MYH10: variants seen among roughly 807,000 people sequenced by gnomAD.
MYH10 encodes the protein myosin-10.
In MYH10, 55 loss-of-function variants were observed where a neutral mutation model predicts 257.8. That is an observed-to-expected ratio of 0.21 (90% CI 0.17 to 0.27). The LOEUF (loss-of-function observed/expected upper bound fraction) is 0.27. Among genes scored for constraint, MYH10 ranks in the 10% least tolerant of loss-of-function variants. MYH10 has a pLI of 1.00. For missense variants in MYH10, 1,631 were observed against 2,500.6 expected (o/e 0.65, Z 7.42); for synonymous variants, 854 against 921.7 (o/e 0.93, Z 1.33).
chr17:8,537,763 G>A (rs528851183), intron 14 of MYH10, among the ~76,000 whole-genome samples: 44 of 152,210 alleles, frequency 2.9e-4, no homozygotes, highest in African/African-American at 1.1e-3. Context: ...AAATGACTTG[G>A]TGACAGCATG....
chr17:8,621,971 G>A (rs1043388439), intron 2 of MYH10, among the ~76,000 whole-genome samples: 32 of 152,310 alleles, frequency 2.1e-4, no homozygotes, highest in South Asian at 8.3e-4. Flanking sequence ...AGCACCTAGA[G>A]CACAGGGGGT....
intron 3 of MYH10, among the ~76,000 whole-genome samples, chr17:8,599,252 C>T (rs571293221): frequency 2.2e-4 from 34 of 152,170 alleles, no homozygotes; most frequent in Non-Finnish European, 3.4e-4. Context: ...GGAATAGACA[C>T]CACATTTGTA....
chr17:8,515,510 C>T (rs2081435973), intron 21 of MYH10, among the ~76,000 whole-genome samples: 1 of 149,108 alleles, frequency 6.7e-6, no homozygotes, highest in Admixed American at 6.7e-5. Context: ...TTATTCCTAC[C>T]AGCCAAAAAG....
intron 17 of MYH10, chr17:8,521,533 T>C: frequency 2.0e-6 from 1 of 494,614 alleles, no homozygotes; most frequent in African/African-American, 1.9e-5. Flanking sequence ...TGCCTTCCGC[T>C]GCGCTAGTTT....
At chr17:8,502,480 T>TTGTGTGTGTGCG (rs1555574940) in intron 28 of MYH10, among the ~76,000 whole-genome samples, 3 of 150,260 alleles carry the variant, frequency 2.0e-5, no homozygotes, top group Admixed American at 1.3e-4. Flanking sequence ...GGGAAAATAG[T>TTGTGTGTGTGCG]TGTGTGTGTG....
intron 2 of MYH10, among the ~76,000 whole-genome samples, chr17:8,605,339 G>A (rs988716140): frequency 1.3e-5 from 2 of 152,132 alleles, no homozygotes; most frequent in Non-Finnish European, 2.9e-5. Flanking sequence ...TGAAAAGCTC[G>A]TTAATGCAGT....
chr17:8,526,115 C>G (rs2081837676), intron 17 of MYH10, among the ~76,000 whole-genome samples: 1 of 152,146 alleles, frequency 6.6e-6, no homozygotes, highest in African/African-American at 2.4e-5. Context: ...ATTTTAAACT[C>G]AGGGTTAGAT....
At chr17:8,600,665 C>G (rs546170859) in intron 3 of MYH10, among the ~76,000 whole-genome samples, 1 of 152,146 alleles carries the variant, frequency 6.6e-6, no homozygotes. Flanking sequence ...TGGGGCCCAT[C>G]ATGGAGTGAG....
intron 1 of MYH10, among the ~76,000 whole-genome samples, chr17:8,627,290 G>A (rs1041423455): frequency 6.6e-6 from 1 of 152,052 alleles, no homozygotes; most frequent in African/African-American, 2.4e-5. Context: ...TCTAGTCCCT[G>A]GTATATAACA....
chr17:8,530,094 C>T (rs1449926598), intron 17 of MYH10, among the ~76,000 whole-genome samples: 3 of 152,180 alleles, frequency 2.0e-5, no homozygotes, highest in Admixed American at 6.5e-5. Flanking sequence ...GATAGGCACA[C>T]AAATTCCAAA....
At chr17:8,523,284 G>T (rs4791712) in intron 17 of MYH10, among the ~76,000 whole-genome samples, 75,230 of 151,754 alleles carry the variant, frequency 0.5, 19,785 homozygotes, top group Middle Eastern at 0.6. Flanking sequence ...ACTCAGTGTT[G>T]CATCCCTGCT....
At chr17:8,476,039 C>T in intron 42 of MYH10, 91 bp from the exon 43 acceptor site, 1 of 1,375,720 alleles carries the variant, frequency 7.3e-7, no homozygotes, top group Non-Finnish European at 9.8e-7. Flanking sequence ...ACGGAACCTT[C>T]CCCTTGCACC....
At chr17:8,523,467 A>G (rs1279135895) in intron 17 of MYH10, among the ~76,000 whole-genome samples, 1 of 152,252 alleles carries the variant, frequency 6.6e-6, no homozygotes, top group African/African-American at 2.4e-5. Context: ...ATGCCATATA[A>G]TACCCCAAAA....
chr17:8,568,971 G>A (rs2083248822), intron 7 of MYH10, among the ~76,000 whole-genome samples: 1 of 150,744 alleles, frequency 6.6e-6, no homozygotes, highest in Non-Finnish European at 1.5e-5. Context: ...CAGTACTTTG[G>A]GAGGCTGAGG....
chr17:8,571,291 C>T (rs2083333132), intron 6 of MYH10, among the ~76,000 whole-genome samples: 1 of 151,270 alleles, frequency 6.6e-6, no homozygotes, highest in African/African-American at 2.4e-5. Context: ...TCTCCTGCCT[C>T]AGCCTCCCGA....
chr17:8,490,179 A>C lies in MYH10; in HGVS notation c.4884+161T>G. On this transcript the variant is annotated intron_variant, in intron 35 of 42. Transcript: ENST00000360416. This position sits in a 1 kb window ranked among gnomAD's most constrained non-coding sequence, Gnocchi z 4.1. ...ACCTAAACTAATTACAATAAAATTT[A>C]AATAATAAAATTCTCAAATGACCAA... 1 of 627,012 alleles carries C rather than the reference A, an allele frequency of 1.6e-6. No homozygotes were observed. The highest frequency in any genetic ancestry group is 2.8e-5 in the East Asian group (1 of 35,476). The allele number at this position is 627,012 out of a possible 1,614,324, so 38.8% of individuals were successfully genotyped here. A position where few individuals can be genotyped will look rare whatever the true frequency, so the allele number is the denominator to read the frequency against.
At chr17:8,500,317 T>C (rs1294535386) in intron 29 of MYH10, among the ~76,000 whole-genome samples, 1 of 152,086 alleles carries the variant, frequency 6.6e-6, no homozygotes, top group Non-Finnish European at 1.5e-5. Flanking sequence ...AAATTAAGTT[T>C]CAGGAGAACG....
At chr17:8,564,598 A>G (rs1360490410) in intron 7 of MYH10, among the ~76,000 whole-genome samples, 1 of 152,214 alleles carries the variant, frequency 6.6e-6, no homozygotes, top group Admixed American at 6.5e-5. Context: ...GGTGTGCTCT[A>G]CAGGGCTAGG....
At chr17:8,488,931 C>A (rs1160307703) in intron 35 of MYH10, among the ~76,000 whole-genome samples, 1 of 152,170 alleles carries the variant, frequency 6.6e-6, no homozygotes, top group Non-Finnish European at 1.5e-5. Flanking sequence ...ATACTCCCCA[C>A]CTTAAAGAGT....
Sources: gnomAD v4.1 joint callset for allele counts (sites outside exome capture counted in the v4.1 genomes callset) on GRCh38, gnomAD v4.1.1 for gene constraint, Gnocchi (gnomAD v3.1) non-coding constraint, MANE v1.5 for transcripts, NCBI Gene and HGNC (gene_info 2026-07-23, HGNC 2026-07-21) for gene names.